Variants in E2F5 observed in about 807,000 individuals in gnomAD.
E2F5 encodes transcription factor E2F5.
A neutral mutation model predicts 39.1 loss-of-function variants in E2F5; 23 were observed. The observed-to-expected ratio is 0.59, with a 90% CI of 0.42 to 0.83. The LOEUF (loss-of-function observed/expected upper bound fraction) is 0.83. E2F5 is among the 40% of genes least tolerant of loss of function. The probability of loss-of-function intolerance (pLI) is 0.00; values close to 1 mark genes in which losing one functional copy is unlikely to be tolerated. For synonymous variants in E2F5, 145 were observed against 157.8 expected (o/e 0.92, Z 0.61); for missense variants, 365 against 406.7 (o/e 0.90, Z 0.88).
Position 85,212,185 on chromosome 8 carries a change from T to C in E2F5, c.912T>C (p.Asp304=). The change falls in exon 7 of 8, where the codon GAT becomes GAC. Residue 304 remains aspartate, a synonymous_variant. Transcript: ENST00000416274. ...GATCTATTAGTGGAGATATCATTGA[T>C]GAGTTAATGTCTTCTGACGGTAAGT... ...SAGSISGDII[D]ELMSSDVFPL... 7 of 1,610,306 alleles carry C rather than the reference T, an allele frequency of 4.3e-6. No homozygotes were observed. Among genetic ancestry groups the C allele is most frequent in the Non-Finnish European group, 5.9e-6 (7 of 1,177,714 alleles).
chr8:85,185,791 A>T (rs1812321002), intron 1 of E2F5, among the ~76,000 whole-genome samples: 1 of 152,258 alleles, frequency 6.6e-6, no homozygotes, highest in South Asian at 2.1e-4. Flanking sequence ...GAAAAATGCG[A>T]ATCAAAACCA....
At chr8:85,188,545 C>T (rs1812393106) in intron 1 of E2F5, among the ~76,000 whole-genome samples, 1 of 152,132 alleles carries the variant, frequency 6.6e-6, no homozygotes, top group Non-Finnish European at 1.5e-5. Context: ...GTGGCCAGCA[C>T]AGGAGTGGTG....
chr8:85,210,762 C>T (rs1434253957), intron 6 of E2F5, among the ~76,000 whole-genome samples: 1 of 151,718 alleles, frequency 6.6e-6, no homozygotes, highest in Non-Finnish European at 1.5e-5. Flanking sequence ...TGGGTTTTAC[C>T]TGGGTTAGCT....
intron 1 of E2F5, among the ~76,000 whole-genome samples, chr8:85,182,454 C>G (rs1259133920): frequency 6.6e-6 from 1 of 152,114 alleles, no homozygotes; most frequent in African/African-American, 2.4e-5. Flanking sequence ...TATGTTATAC[C>G]ATCTTTCAGT....
chr8:85,189,598 G>A (rs992294478), intron 1 of E2F5, among the ~76,000 whole-genome samples: 1 of 151,998 alleles, frequency 6.6e-6, no homozygotes. Context: ...TAAAGTCATG[G>A]CCCCAAGTGA....
At chr8:85,203,284 C>T (rs1309314713) in intron 3 of E2F5, 29 bp downstream of exon 3, 21 of 1,510,656 alleles carry the variant, frequency 1.4e-5, no homozygotes, top group East Asian at 2.4e-5. Context: ...TATGCATATA[C>T]ATATAGCTTT....
In E2F5 at chr8:85,186,433, C is replaced by A. The variant is rs574273864; in HGVS notation, c.234+8779C>A. Among the ~76,000 whole-genome samples the A allele has an allele frequency of 2.0e-5, 3 of 151,804 alleles. No individual in the cohort carries two copies. The South Asian group carries it at 6.2e-4, about 32-fold the overall frequency. On this transcript the variant is annotated intron_variant, in intron 1 of 7. Transcript: ENST00000416274. ...TGACGAGTTGATGGTTGCAGCAAAC[C>A]ACCATGGCACATGTATACCTATGTA... is the stretch of plus-strand genomic sequence containing the variant.
rs1311785970 is a variant in E2F5, at chr8:85,209,159, G to T, written c.633G>T (p.Lys211Asn). 1 of 1,613,904 alleles carries T rather than the reference G, an allele frequency of 6.2e-7. No homozygotes were observed. The highest frequency in any genetic ancestry group is 8.5e-7 in the Non-Finnish European group (1 of 1,179,828). The change falls in exon 6 of 8, where the codon AAG (lysine) becomes AAT (asparagine). Residue 211 changes from lysine to asparagine, a missense_variant. Physicochemically the swap from Lys to Asn is moderately conservative, Grantham distance 94. Coordinates refer to ENST00000416274, the MANE Select transcript of E2F5 (RefSeq NM_001951.4). ...PIPEMGQNGQ[K>N]KYQINLKSHS... ...CTTCAAAGGGTCAGAATGGACAAAA[G>T]AAATACCAGATCAATCTAAAGAGTC...
rs764759069 is a variant in E2F5 at position 85,213,869 on chromosome 8, T to C, written c.*7T>C. The C allele has an allele frequency of 9.1e-6, 14 of 1,533,160 alleles. 1 individual carries two copies. In the South Asian group the frequency reaches 1.3e-4, roughly 15 times the overall value. 95.0% of individuals were successfully genotyped at this position (1,533,160 alleles called of 1,614,324 possible). On this transcript the variant is annotated 3_prime_UTR_variant, in exon 8 of 8. Coordinates refer to ENST00000416274, the MANE Select transcript of E2F5 (RefSeq NM_001951.4). ...CCAGATACTAAATTATTAGATTCCA[T>C]GGAAACTTGGGACTGTTATCTACCT...
intron 5 of E2F5, among the ~76,000 whole-genome samples, chr8:85,208,884 A>T (rs1812855017): frequency 6.6e-6 from 1 of 152,184 alleles, no homozygotes; most frequent in Non-Finnish European, 1.5e-5. Context: ...GTAACAACAG[A>T]TGGTTGCCAG....
chr8:85,202,814 C>T (rs1249815702), intron 2 of E2F5, among the ~76,000 whole-genome samples: 1 of 152,136 alleles, frequency 6.6e-6, no homozygotes, highest in Non-Finnish European at 1.5e-5. Context: ...TGAGCACACT[C>T]TTTTGGTACC....
At chr8:85,211,268 CG>C (rs1408412654) in intron 6 of E2F5, among the ~76,000 whole-genome samples, 1 of 149,934 alleles carries the variant, frequency 6.7e-6, no homozygotes, top group Non-Finnish European at 1.5e-5. Flanking sequence ...GGCATTGTGA[CG>C]TGTGCCTGTG....
At chr8:85,183,269 A>G (rs949710061) in intron 1 of E2F5, among the ~76,000 whole-genome samples, 12 of 152,176 alleles carry the variant, frequency 7.9e-5, no homozygotes, top group African/African-American at 2.7e-4. Flanking sequence ...AGCAACAACG[A>G]CAACAAAAGA....
rs7818090 is a variant in E2F5, at chr8:85,179,728, G to T, written c.234+2074G>T. Among the ~76,000 whole-genome samples the T allele has an allele frequency of 3.3e-5, 5 of 150,316 alleles. No homozygotes were observed. In the East Asian group the frequency reaches 1.0e-3, roughly 31 times the overall value. Reference sequence around the variant, plus strand: ...AGGCTGGAGTGCAGTGGCGCGATCTGGGCTCACTGCAAGCTCCGCCTCCCG... The same window carrying T: ...AGGCTGGAGTGCAGTGGCGCGATCTTGGCTCACTGCAAGCTCCGCCTCCCG... On this transcript the variant is annotated intron_variant, in intron 1 of 7. Transcript: ENST00000416274.
chr8:85,194,068 G>T (rs537750407), intron 1 of E2F5, among the ~76,000 whole-genome samples: 1 of 151,864 alleles, frequency 6.6e-6, no homozygotes, highest in South Asian at 2.1e-4. Flanking sequence ...TCTATCTTTT[G>T]TCCGTGTTTT....
At chr8:85,197,490 A>G (rs767727723) in intron 1 of E2F5, among the ~76,000 whole-genome samples, 10 of 152,150 alleles carry the variant, frequency 6.6e-5, no homozygotes, top group Non-Finnish European at 1.5e-4. Context: ...TTCCTGGTTC[A>G]TTTGTCTTGA....
At chr8:85,197,887 A>G (rs1260224185) in intron 1 of E2F5, among the ~76,000 whole-genome samples, 1 of 152,204 alleles carries the variant, frequency 6.6e-6, no homozygotes, top group Non-Finnish European at 1.5e-5. Context: ...TAATGCTGAT[A>G]GGTCTCACTT....
intron 1 of E2F5, among the ~76,000 whole-genome samples, chr8:85,188,916 A>G (rs1012692076): frequency 3.3e-5 from 5 of 152,172 alleles, no homozygotes; most frequent in Middle Eastern, 3.4e-3. Flanking sequence ...GACTTTTCTT[A>G]TTATTGTGCT....
At position 85,177,174 on chromosome 8, in the gene E2F5, T is replaced by TC. The variant is rs4150838; in HGVS notation, c.-241dup. 0.011 allele frequency: 1,705 copies of TC among 162,228 alleles called. 16 individuals carry two copies. Among genetic ancestry groups the TC allele is most frequent in the Non-Finnish European group, 0.018 (1,366 of 77,718 alleles). 10.0% of individuals were successfully genotyped at this position (162,228 alleles called of 1,614,324 possible). A position where few individuals can be genotyped will look rare whatever the true frequency, so the allele number is the denominator to read the frequency against. On this transcript the variant is annotated 5_prime_UTR_variant, in exon 1 of 8. Transcript: ENST00000416274. ...AGCCCCTTCTCCTCGTTTCCACCCC[T>TC]CCCCCCTCGGTCGTGGGCCTCATTC...
Sources: gnomAD v4.1 joint callset for allele counts (sites outside exome capture counted in the v4.1 genomes callset) on GRCh38, gnomAD v4.1.1 for gene constraint, MANE v1.5 for transcripts, NCBI Gene and HGNC (gene_info 2026-07-23, HGNC 2026-07-21) for gene names.